The following HS6ST3 variants were observed in gnomAD, a reference collection of about 807,000 sequenced individuals.
The protein encoded by HS6ST3 is heparan-sulfate 6-O-sulfotransferase 3.
In HS6ST3, 12 loss-of-function variants were observed where a neutral mutation model predicts 36.7. That is an observed-to-expected ratio of 0.33 (90% CI 0.21 to 0.53). HS6ST3 has a LOEUF of 0.53. HS6ST3 is among the 20% of genes least tolerant of loss of function. HS6ST3 has a pLI of 0.95. For missense variants in HS6ST3, 584 were observed against 640.9 expected, an observed-to-expected ratio of 0.91 and a Z score of 0.96; for synonymous variants, 240 against 257.5, an observed-to-expected ratio of 0.93 and a Z score of 0.65.
intron 1 of HS6ST3, among the ~76,000 whole-genome samples, chr13:96,305,130 T>C (rs956970198): frequency 7.9e-5 from 12 of 152,204 alleles, no homozygotes; most frequent in Admixed American, 5.9e-4. Context: ...TTATAGCCAT[T>C]GTATACATGG....
At chr13:96,258,247 C>A (rs964487509) in intron 1 of HS6ST3, among the ~76,000 whole-genome samples, 3 of 152,162 alleles carry the variant, frequency 2.0e-5, no homozygotes, top group Non-Finnish European at 2.9e-5. Flanking sequence ...CAGTTTCTGG[C>A]AATGACTGCT....
chr13:96,211,047 C>T (rs2054396686), intron 1 of HS6ST3, among the ~76,000 whole-genome samples: 1 of 152,016 alleles, frequency 6.6e-6, no homozygotes, highest in Admixed American at 6.5e-5. Context: ...TCTCCTGCCT[C>T]AGCCTCCCAA....
At chr13:96,369,751 G>T (rs1465506020) in intron 1 of HS6ST3, among the ~76,000 whole-genome samples, 1 of 152,094 alleles carries the variant, frequency 6.6e-6, no homozygotes, top group Non-Finnish European at 1.5e-5. Context: ...AGCAGGGTGG[G>T]TTTTTTCCCC....
chr13:96,741,225 G>A (rs1223935404), intron 1 of HS6ST3, among the ~76,000 whole-genome samples: 1 of 152,104 alleles, frequency 6.6e-6, no homozygotes, highest in Non-Finnish European at 1.5e-5. Flanking sequence ...TTGCCACTGA[G>A]CAACATTTTC....
intron 1 of HS6ST3, among the ~76,000 whole-genome samples, chr13:96,494,630 A>G (rs1445692073): frequency 1.3e-5 from 2 of 152,140 alleles, no homozygotes; most frequent in Middle Eastern, 3.4e-3. Context: ...TTAAGCTCCA[A>G]TAGAAAATTT....
At chr13:96,465,129 C>T (rs751050583) in intron 1 of HS6ST3, among the ~76,000 whole-genome samples, 60 of 152,082 alleles carry the variant, frequency 3.9e-4, no homozygotes, top group South Asian at 2.1e-4. Context: ...TAGATGGGGA[C>T]GCTTACCCAC....
intron 1 of HS6ST3, among the ~76,000 whole-genome samples, chr13:96,432,271 A>G (rs998195070): frequency 1.3e-5 from 2 of 152,352 alleles, no homozygotes; most frequent in Non-Finnish European, 2.9e-5. Flanking sequence ...AAATTACCTC[A>G]GTGGTACAGA....
At chr13:96,308,772 T>C (rs80250981) in intron 1 of HS6ST3, among the ~76,000 whole-genome samples, 162 of 152,264 alleles carry the variant, frequency 1.1e-3, no homozygotes, top group Non-Finnish European at 2.0e-3. Flanking sequence ...TTCATAAATA[T>C]GCATTCTATT....
intron 1 of HS6ST3, among the ~76,000 whole-genome samples, chr13:96,301,787 T>A (rs2054883590): frequency 6.6e-6 from 1 of 151,028 alleles, no homozygotes; most frequent in South Asian, 2.1e-4. Flanking sequence ...GTGGGTGCCT[T>A]TAATCCCAGC....
intron 1 of HS6ST3, among the ~76,000 whole-genome samples, chr13:96,481,660 G>C (rs964855326): frequency 6.6e-6 from 1 of 151,900 alleles, no homozygotes; most frequent in Admixed American, 6.5e-5. Flanking sequence ...GTGCCGTCCT[G>C]CCCCTCCGCT....
intron 1 of HS6ST3, among the ~76,000 whole-genome samples, chr13:96,151,455 G>A (rs1387185026): frequency 6.6e-6 from 1 of 150,614 alleles, no homozygotes; most frequent in Non-Finnish European, 1.5e-5. Context: ...TACAAACAAT[G>A]CAAGTTCCAT....
At position 96,173,495 on chromosome 13, in the gene HS6ST3, G is replaced by A. The variant is rs576554550; in HGVS notation, c.707+81926G>A. ...ATAAAGAGCTTGAGAGCTACAGAAA[G>A]ATCAGTCTCATTTACGTACTTACCA... is the stretch of plus-strand genomic sequence containing the variant. On this transcript the variant is annotated intron_variant, in intron 1 of 1. Coordinates refer to ENST00000376705, the MANE Select transcript of HS6ST3 (RefSeq NM_153456.4). Among the ~76,000 whole-genome samples the A allele has an allele frequency of 9.9e-5, 15 of 152,180 alleles. 1 individual carries two copies. In the East Asian group the frequency reaches 2.9e-3, roughly 29 times the overall value.
chr13:96,716,301 A>G (rs552349133), intron 1 of HS6ST3, among the ~76,000 whole-genome samples: 1 of 152,268 alleles, frequency 6.6e-6, no homozygotes, highest in African/African-American at 2.4e-5. Context: ...CACTTACTAG[A>G]TGTCTAAAGC....
chr13:96,369,519 C>T (rs997863100), intron 1 of HS6ST3, among the ~76,000 whole-genome samples: 1 of 152,146 alleles, frequency 6.6e-6, no homozygotes. Flanking sequence ...CTAGGCAAAG[C>T]CTAGAGAAAG....
intron 1 of HS6ST3, among the ~76,000 whole-genome samples, chr13:96,412,225 G>A (rs1393722428): frequency 2.6e-5 from 4 of 152,010 alleles, no homozygotes; most frequent in East Asian, 3.9e-4. Flanking sequence ...GGATGGTCTC[G>A]ATCTCTCGAC....
intron 1 of HS6ST3, among the ~76,000 whole-genome samples, chr13:96,619,673 A>T (rs1369039350): frequency 1.3e-5 from 2 of 152,240 alleles, no homozygotes; most frequent in Non-Finnish European, 2.9e-5. Flanking sequence ...TGCTATAAAG[A>T]TTGCCTTTAA....
intron 1 of HS6ST3, among the ~76,000 whole-genome samples, chr13:96,448,512 C>T (rs2055710301): frequency 6.6e-6 from 1 of 152,090 alleles, no homozygotes; most frequent in Non-Finnish European, 1.5e-5. Context: ...CAGCTTTCTT[C>T]TGGGTATTTC....
intron 1 of HS6ST3, among the ~76,000 whole-genome samples, chr13:96,301,443 A>C (rs185790357): frequency 6.6e-6 from 1 of 152,294 alleles, no homozygotes; most frequent in Non-Finnish European, 1.5e-5. Flanking sequence ...GGCAAAGTGC[A>C]ATGGGAAGAA....
chr13:96,687,675 G>A (rs1397827276), intron 1 of HS6ST3, among the ~76,000 whole-genome samples: 2 of 151,808 alleles, frequency 1.3e-5, no homozygotes, highest in Non-Finnish European at 2.9e-5. Flanking sequence ...AAACATTATT[G>A]CGGATAAGGG....
Sources: allele counts gnomAD v4.1 joint callset (sites outside exome capture counted in the v4.1 genomes callset), GRCh38; gene constraint gnomAD v4.1.1; transcripts MANE v1.5; gene names NCBI Gene and HGNC (gene_info 2026-07-23, HGNC 2026-07-21).